Variants in MRPS25 observed in about 807,000 individuals in gnomAD.
MRPS25 encodes mitochondrial ribosomal protein S25.
A neutral mutation model predicts 17.3 loss-of-function variants in MRPS25; 15 were observed. The ratio of observed to expected loss-of-function variants is 0.87; its 90% confidence interval spans 0.58 to 1.34. MRPS25 has a LOEUF of 1.34. Among genes scored for constraint, MRPS25 ranks in the 40% most tolerant of loss-of-function variants. MRPS25 has a pLI of 0.00. For synonymous variants in MRPS25, 94 were observed against 83.3 expected (o/e 1.13, Z -0.70); for missense variants, 225 against 218.6 (o/e 1.03, Z -0.19).
At chr3:15,042,257 T>G (rs147791946), downstream of MRPS25, among the ~76,000 whole-genome samples, 73 of 152,318 alleles carry the variant, frequency 4.8e-4, 1 homozygote, top group East Asian at 0.012. Flanking sequence ...GAAAGCTATT[T>G]TACTGCTTTA....
chr3:15,052,748 T>C, intron 3 of MRPS25, 115 bp from the exon 4 acceptor site: 2 of 1,088,390 alleles, frequency 1.8e-6, no homozygotes, highest in South Asian at 1.4e-5. Flanking sequence ...ATCTCCTGCC[T>C]TCTAACCTGA....
chr3:15,042,916 A>G (rs2042320642), downstream of MRPS25: 1 of 1,614,100 alleles, frequency 6.2e-7, no homozygotes. Flanking sequence ...TACTGGTCTC[A>G]TTGGCAATGT....
downstream of MRPS25, chr3:15,047,553 G>A (rs2042499726): frequency 6.6e-6 from 1 of 152,220 alleles, no homozygotes; most frequent in Admixed American, 6.5e-5. Flanking sequence ...AGGCGTCACG[G>A]TCAGAGATTC....
At chr3:15,058,531 G>A (rs973771811) in intron 2 of MRPS25, among the ~76,000 whole-genome samples, 6 of 152,120 alleles carry the variant, frequency 3.9e-5, no homozygotes, top group African/African-American at 1.4e-4. Flanking sequence ...GTCTCCCTCT[G>A]CTGGATATAA....
At chr3:15,043,036 A>G (rs752426012), downstream of MRPS25, 1 of 1,608,438 alleles carries the variant, frequency 6.2e-7, no homozygotes, top group South Asian at 1.1e-5. Context: ...CCAAGGAGCA[A>G]CAGAATCCTT....
In MRPS25 at chr3:15,051,096, C is replaced by A; in HGVS notation, c.*1345G>T. On this transcript the variant is annotated 3_prime_UTR_variant, in exon 4 of 4. Transcript: ENST00000253686. ...CTTTTTTAATTCTTTTAACCACTGC[C>A]TTCCTGTCTCAGATAAAGTCAGGTC... is the stretch of plus-strand genomic sequence containing the variant. The A allele has an allele frequency of 1.0e-6, 1 of 985,382 alleles. No homozygotes were observed. Among genetic ancestry groups the A allele is most frequent in the Non-Finnish European group, 1.2e-6 (1 of 829,914 alleles). The allele number at this position is 985,382 out of a possible 1,614,324, so 61.0% of individuals were successfully genotyped here. A position where few individuals can be genotyped will look rare whatever the true frequency, so the allele number is the denominator to read the frequency against.
At chr3:15,043,277 G>T (rs1241855200), downstream of MRPS25, 1 of 274,666 alleles carries the variant, frequency 3.6e-6, no homozygotes, top group South Asian at 1.5e-4. Context: ...ATTCTCAAAG[G>T]GCAAAAAACA....
chr3:15,044,157 C>T (rs1192888660), downstream of MRPS25: 1 of 152,224 alleles, frequency 6.6e-6, no homozygotes, highest in Admixed American at 6.5e-5. Flanking sequence ...CTGCTGCCGC[C>T]TGGCGAGAGT....
At chr3:15,059,115 G>T (rs1467321050) in intron 2 of MRPS25, among the ~76,000 whole-genome samples, 3 of 151,788 alleles carry the variant, frequency 2.0e-5, no homozygotes, top group African/African-American at 7.3e-5. Flanking sequence ...ACAGCCTGGT[G>T]TGACAAGGGA....
chr3:15,052,671 C>CT (rs747736028), intron 3 of MRPS25, 38 bp from the exon 4 acceptor site: 1 of 1,599,272 alleles, frequency 6.3e-7, no homozygotes, highest in East Asian at 2.2e-5. Flanking sequence ...GCATTGGCAA[C>CT]TTTGAGTGGC....
rs758974307 is a variant in MRPS25 at position 15,052,521 on chromosome 3, G to A, written c.442C>T (p.Pro148Ser). 5 of 1,614,008 alleles carry A rather than the reference G, an allele frequency of 3.1e-6. No individual in the cohort carries two copies. The highest frequency in any genetic ancestry group is 3.3e-5 in the Admixed American group (2 of 60,000). Residue 148 changes from proline to serine, a missense_variant, in exon 4 of 4, where the codon CCC becomes TCC. By Grantham distance (74) the Pro-to-Ser change is moderately conservative (BLOSUM62 -1). Transcript: ENST00000253686. ...ECICEVEGQV[P>S]CPSLVPLPKE... ...GGTAATGGCACCAGGCTGGGGCAGG[G>A]CACCTGCCCTTCCACTTCACAGATG...
At chr3:15,063,816 C>T (rs776510414) in intron 1 of MRPS25, among the ~76,000 whole-genome samples, 5 of 152,102 alleles carry the variant, frequency 3.3e-5, no homozygotes, top group Non-Finnish European at 5.9e-5. Context: ...CAGCTCGCTG[C>T]GGGCCGCACC....
At chr3:15,055,135 G>A (rs1421798192) in intron 2 of MRPS25, among the ~76,000 whole-genome samples, 1 of 152,192 alleles carries the variant, frequency 6.6e-6, no homozygotes, top group African/African-American at 2.4e-5. Context: ...CAGATCGCAA[G>A]AGAACTCACT....
downstream of MRPS25, chr3:15,042,609 A>C (rs1296984746): frequency 9.5e-6 from 4 of 421,538 alleles, no homozygotes. Flanking sequence ...GGAATAAACA[A>C]GAGTGAAGGG....
At chr3:15,062,838 G>C (rs923316279) in intron 1 of MRPS25, among the ~76,000 whole-genome samples, 40 of 152,288 alleles carry the variant, frequency 2.6e-4, no homozygotes, top group African/African-American at 9.6e-4. Flanking sequence ...GGCGGTACAA[G>C]ATGTGCTTTG....
intron 1 of MRPS25, among the ~76,000 whole-genome samples, chr3:15,060,760 A>G (rs992024406): frequency 2.6e-5 from 4 of 152,006 alleles, no homozygotes; most frequent in African/African-American, 9.7e-5. Context: ...GGGCACTTGT[A>G]GTCCCAGCTA....
downstream of MRPS25, chr3:15,042,831 T>C (rs2042317319): frequency 3.1e-6 from 5 of 1,613,272 alleles, no homozygotes; most frequent in African/African-American, 1.3e-5. Flanking sequence ...CTCCCTTTTA[T>C]AGATTGGCCC....
At chr3:15,042,820 A>G (rs1037838755), downstream of MRPS25, 1 of 1,609,636 alleles carries the variant, frequency 6.2e-7, no homozygotes, top group Non-Finnish European at 8.5e-7. Context: ...TTCTAATGAC[A>G]CTCCCTTTTA....
intron 1 of MRPS25, among the ~76,000 whole-genome samples, chr3:15,062,135 GC>G (rs755815605): frequency 0.97 from 13,492 of 13,892 alleles, 6,702 homozygotes; most frequent in Middle Eastern, 1. Context: ...GGGAGGGAGT[GC>G]GGCGGGTCAG....
Sources: allele counts gnomAD v4.1 joint callset (sites outside exome capture counted in the v4.1 genomes callset), GRCh38; gene constraint gnomAD v4.1.1; transcripts MANE v1.5; gene names NCBI Gene and HGNC (gene_info 2026-07-23, HGNC 2026-07-21).